The following MAP4K1 variants were observed in gnomAD, a reference collection of about 807,000 sequenced individuals.
MAP4K1 encodes mitogen-activated protein kinase kinase kinase kinase 1.
In MAP4K1, 35 loss-of-function variants were observed where a neutral mutation model predicts 122.8. That is an observed-to-expected ratio of 0.29 (90% CI 0.22 to 0.38). The LOEUF (loss-of-function observed/expected upper bound fraction) is 0.38, where lower values mean the gene tolerates loss of function less well. MAP4K1 is among the 10% of genes least tolerant of loss of function. The pLI is 1.00. For missense variants in MAP4K1, 791 were observed against 1,072.6 expected (o/e 0.74, Z 3.67); for synonymous variants, 412 against 421.3 (o/e 0.98, Z 0.27).
Position 38,603,349 on chromosome 19 carries a change from CATATACAT to C in MAP4K1, c.1447-1832_1447-1825del, listed in dbSNP as rs550838318. Among the ~76,000 whole-genome samples the C allele has an allele frequency of 9.1e-3, 1,358 of 149,094 alleles. 14 individuals carry two copies. The highest frequency in any genetic ancestry group is 0.054 in the Middle Eastern group (15 of 276). On this transcript the variant is annotated intron_variant, in intron 19 of 30. Transcript: ENST00000396857. ...ATATATACGCATATACATATATACA[CATATACAT>C]ATATACACACATATACATATATACA...
chr19:38,590,925 C>T (rs1974707455), intron 30 of MAP4K1, among the ~76,000 whole-genome samples: 1 of 151,782 alleles, frequency 6.6e-6, no homozygotes, highest in Non-Finnish European at 1.5e-5. Context: ...GGTAAATGGG[C>T]ATCACGTCTG....
intron 9 of MAP4K1, 100 bp downstream of exon 9, chr19:38,612,511 C>T (rs1329467794): frequency 8.2e-7 from 1 of 1,219,656 alleles, no homozygotes; most frequent in Non-Finnish European, 1.1e-6. Context: ...GTGGTGATCC[C>T]TGAATTGGAG....
chr19:38,593,265 C>T lies in MAP4K1; in HGVS notation c.2396+17G>A, dbSNP rs771947389. ...AGCCCCCTCCCAGGTCCTTCTGCAC[C>T]CCACCCCACAACATACCTGGGGGAG... On this transcript the variant is annotated intron_variant, in intron 30 of 30. Transcript: ENST00000396857. The T allele has an allele frequency of 2.5e-6, 4 of 1,609,822 alleles. No individual in the cohort carries two copies. In the Admixed American group the frequency reaches 6.7e-5, roughly 27 times the overall value.
chr19:38,601,970 G>A (rs2098657), intron 19 of MAP4K1, among the ~76,000 whole-genome samples: 1 of 152,026 alleles, frequency 6.6e-6, no homozygotes, highest in Non-Finnish European at 1.5e-5. Flanking sequence ...TAGAGATGGA[G>A]TTTTGCCATG....
At chr19:38,590,017 G>C (rs547875809) in intron 30 of MAP4K1, among the ~76,000 whole-genome samples, 4 of 151,872 alleles carry the variant, frequency 2.6e-5, no homozygotes, top group African/African-American at 7.2e-5. Context: ...GTGACAGAGA[G>C]AGAATCTATC....
intron 22 of MAP4K1, among the ~76,000 whole-genome samples, chr19:38,599,253 C>T (rs1429699365): frequency 6.7e-6 from 1 of 148,296 alleles, no homozygotes; most frequent in East Asian, 2.0e-4. Context: ...GAGGCTGAGG[C>T]ACGAGAATTG....
At chr19:38,587,848 T>TATTCATTCATATGTTCATTG (rs1269420498) in intron 30 of MAP4K1, 31 bp from the exon 31 acceptor site, 2 of 1,484,462 alleles carry the variant, frequency 1.3e-6, no homozygotes, top group African/African-American at 2.8e-5. Flanking sequence ...TCAGTTCATT[T>TATTCATTCATATGTTCATTG]ATTCATTCAT....
rs1339106217 is a variant in MAP4K1, at chr19:38,603,277, CAT to C, written c.1447-1754_1447-1753del. ...ATATATACGCATATACATATATACA[CAT>C]ACATATACACACACACATACATGTA... On this transcript the variant is annotated intron_variant, in intron 19 of 30. Transcript: ENST00000396857. Among the ~76,000 whole-genome samples the C allele has an allele frequency of 5.4e-4, 73 of 135,756 alleles. 1 individual carries two copies. Among genetic ancestry groups the C allele is most frequent in the African/African-American group, 2.1e-3 (68 of 33,090 alleles). The allele number at this position is 135,756 out of a possible 152,430, so 89.1% of individuals were successfully genotyped here. A position where few individuals can be genotyped will look rare whatever the true frequency, so the allele number is the denominator to read the frequency against.
At chr19:38,600,324 T>C (rs1279099485) in intron 20 of MAP4K1, among the ~76,000 whole-genome samples, 171 bp from the exon 21 acceptor site, 1 of 152,040 alleles carries the variant, frequency 6.6e-6, no homozygotes, top group Admixed American at 6.6e-5. Context: ...GAGCGGACGG[T>C]CCCGCAAGCC....
rs1167975061 is a variant in MAP4K1, at chr19:38,597,388, G to C, written c.1779-4C>G. On this transcript the variant is annotated splice_region_variant and splice_polypyrimidine_tract_variant and intron_variant, in intron 23 of 30. Coordinates refer to ENST00000396857, the MANE Select transcript of MAP4K1 (RefSeq NM_001042600.3). This position sits in a 1 kb window ranked among gnomAD's most constrained non-coding sequence, Gnocchi z 4.6. ...CTTGGTGGAAACCATGTTCTTCCTG[G>C]AGAATAGGTAGGTGTGAAGGGGGGT... 7.4e-6 allele frequency: 12 copies of C among 1,613,920 alleles called. No homozygotes were observed. The Admixed American group carries it at 2.0e-4, about 27-fold the overall frequency.
chr19:38,594,391 G>C (rs979624008), intron 29 of MAP4K1, among the ~76,000 whole-genome samples: 2 of 152,170 alleles, frequency 1.3e-5, no homozygotes, highest in African/African-American at 4.8e-5. Flanking sequence ...TGTACTCCCA[G>C]CACTTTCGGA....
rs1413372613 is a variant in MAP4K1, at chr19:38,611,324, G to C, written c.666-19C>G. 6.3e-7 allele frequency: 1 copy of C among 1,590,748 alleles called. No homozygotes were observed. Among genetic ancestry groups the C allele is most frequent in the Non-Finnish European group, 8.6e-7 (1 of 1,159,180 alleles). ...GAGAACTCTAGAATAGTAGGGAAAG[G>C]ACATGGGGTTCAGACCCTCAAGGGG... On this transcript the variant is annotated intron_variant, in intron 9 of 30. Coordinates refer to ENST00000396857, the MANE Select transcript of MAP4K1 (RefSeq NM_001042600.3).
chr19:38,588,081 G>T (rs1974581889), intron 30 of MAP4K1, among the ~76,000 whole-genome samples: 2 of 152,160 alleles, frequency 1.3e-5, no homozygotes. Flanking sequence ...CCCAGAGAAT[G>T]GATGGTGCAG....
At chr19:38,587,901 T>C (rs1220127531) in intron 30 of MAP4K1, 84 bp from the exon 31 acceptor site, 2 of 1,060,028 alleles carry the variant, frequency 1.9e-6, no homozygotes, top group African/African-American at 1.6e-5. Context: ...TAATAGAGAC[T>C]GTGCCAGCCC....
intron 11 of MAP4K1, among the ~76,000 whole-genome samples, chr19:38,610,526 C>T (rs1975467330): frequency 6.6e-6 from 1 of 151,918 alleles, no homozygotes; most frequent in South Asian, 2.1e-4. Flanking sequence ...GCTGGGATTA[C>T]AGGCGTGCGC....
chr19:38,614,512 TGCCC>T, intron 4 of MAP4K1, 67 bp from the exon 5 acceptor site: 1 of 1,549,864 alleles, frequency 6.5e-7, no homozygotes, highest in African/African-American at 1.4e-5. Flanking sequence ...TGGGGAGTCC[TGCCC>T]CCCCACACCA....
chr19:38,610,357 C>T (rs561864386), intron 11 of MAP4K1, among the ~76,000 whole-genome samples: 1 of 150,256 alleles, frequency 6.7e-6, no homozygotes, highest in East Asian at 1.9e-4. Flanking sequence ...AGGCTCGTGC[C>T]ACCACGCCCA....
At chr19:38,612,804 AGAGAAG>A in intron 8 of MAP4K1, 62 bp from the exon 9 acceptor site, 4 of 1,582,872 alleles carry the variant, frequency 2.5e-6, no homozygotes, top group East Asian at 2.3e-5. Flanking sequence ...AAGGAGGGGC[AGAGAAG>A]GAGAAGGAGT....
chr19:38,596,994 CCA>C (rs763682129), intron 25 of MAP4K1, 38 bp downstream of exon 25: 125 of 1,583,302 alleles, frequency 7.9e-5, no homozygotes, highest in Non-Finnish European at 1.0e-4. Context: ...CCTTAGCCAC[CCA>C]CTCCTCAGAG....
Sources: gnomAD v4.1 joint callset for allele counts (sites outside exome capture counted in the v4.1 genomes callset) on GRCh38, gnomAD v4.1.1 for gene constraint, Gnocchi (gnomAD v3.1) non-coding constraint, MANE v1.5 for transcripts, NCBI Gene and HGNC (gene_info 2026-07-23, HGNC 2026-07-21) for gene names.